Variants in CDH13 observed in about 807,000 individuals in gnomAD.
The protein encoded by CDH13 is cadherin-13.
CDH13 carries 24 observed loss-of-function variants against 63.8 expected under a neutral mutation model. That is an observed-to-expected ratio of 0.38 (90% CI 0.27 to 0.53). CDH13 has a LOEUF of 0.53. Ranked by LOEUF, CDH13 falls within the 20% of genes least tolerant of loss-of-function variation. The probability of loss-of-function intolerance (pLI) is 0.85; values close to 1 mark genes in which losing one functional copy is unlikely to be tolerated. For missense variants in CDH13, 1,049 were observed against 903.1 expected (o/e 1.16, Z -2.07); for synonymous variants, 503 against 355.3 (o/e 1.42, Z -4.67).
intron 3 of CDH13, among the ~76,000 whole-genome samples, chr16:83,096,815 C>A (rs919584990): frequency 6.6e-6 from 1 of 152,136 alleles, no homozygotes; most frequent in Non-Finnish European, 1.5e-5. Context: ...TCAGTTTGCA[C>A]TTAAAAATGA....
chr16:82,802,177 G>T (rs911204401), intron 1 of CDH13, among the ~76,000 whole-genome samples: 1 of 152,172 alleles, frequency 6.6e-6, no homozygotes, highest in Non-Finnish European at 1.5e-5. Context: ...CCTGCCAAGA[G>T]AGGAGGCCAA....
intron 1 of CDH13, among the ~76,000 whole-genome samples, chr16:82,718,205 A>G (rs1049588010): frequency 1.3e-5 from 2 of 152,212 alleles, no homozygotes; most frequent in Non-Finnish European, 2.9e-5. Context: ...GGACTCTGGG[A>G]GACAATGAAA....
chr16:83,067,541 G>A (rs1474916103), intron 3 of CDH13, among the ~76,000 whole-genome samples: 1 of 152,134 alleles, frequency 6.6e-6, no homozygotes, highest in Non-Finnish European at 1.5e-5. Flanking sequence ...CTGCAGTTTG[G>A]AAGTATTAAT....
At chr16:82,745,146 C>A (rs554851622) in intron 1 of CDH13, among the ~76,000 whole-genome samples, 1 of 152,104 alleles carries the variant, frequency 6.6e-6, no homozygotes, top group Non-Finnish European at 1.5e-5. Flanking sequence ...CTCTGGGAAA[C>A]AAAAGAATAC....
intron 1 of CDH13, among the ~76,000 whole-genome samples, chr16:82,714,188 C>T (rs1316051246): frequency 6.6e-6 from 1 of 152,154 alleles, no homozygotes; most frequent in Non-Finnish European, 1.5e-5. Flanking sequence ...AGCTTCTCTG[C>T]TCTTTGATGC....
At chr16:82,980,398 T>C (rs1338430867) in intron 2 of CDH13, among the ~76,000 whole-genome samples, 1 of 152,208 alleles carries the variant, frequency 6.6e-6, no homozygotes, top group Admixed American at 6.5e-5. Context: ...AGGAGCTGGG[T>C]AAACAGAAGC....
chr16:82,731,311 G>A (rs1012733178), intron 1 of CDH13, among the ~76,000 whole-genome samples: 4 of 152,314 alleles, frequency 2.6e-5, no homozygotes, highest in African/African-American at 7.2e-5. Flanking sequence ...ATAAATAAAT[G>A]AGTATGGCTG....
chr16:83,587,714 C>T (rs564335140), intron 7 of CDH13, among the ~76,000 whole-genome samples: 8 of 152,194 alleles, frequency 5.3e-5, no homozygotes, highest in African/African-American at 1.9e-4. Flanking sequence ...TCTTAACATA[C>T]GGAGCCACCA....
rs762892965 is a variant in CDH13, at chr16:83,748,135, T to G, written c.1566T>G (p.Gly522=). ...IRYSVYKDPA[G]WLNINPINGT... ...ATTCTGTTTACAAGGACCCAGCAGGTTGGCTGAATATTAACCCCATCAATG... is the reference window on the plus strand; with the variant it reads ...ATTCTGTTTACAAGGACCCAGCAGGGTGGCTGAATATTAACCCCATCAATG... The change falls in exon 11 of 14, where the codon GGT becomes GGG. Residue 522 remains glycine, a synonymous_variant. Coordinates refer to ENST00000567109, the MANE Select transcript of CDH13 (RefSeq NM_001257.5). 1.2e-6 allele frequency: 2 copies of G among 1,613,922 alleles called. No homozygotes were observed. The highest frequency in any genetic ancestry group is 1.7e-6 in the Non-Finnish European group (2 of 1,179,872).
intron 1 of CDH13, among the ~76,000 whole-genome samples, chr16:82,790,116 C>T (rs906095384): frequency 1.3e-5 from 2 of 152,032 alleles, no homozygotes; most frequent in South Asian, 2.1e-4. Flanking sequence ...CACCCCCCCT[C>T]GCAACACACA....
In CDH13 at chr16:82,709,299, T is replaced by G. The variant is rs1177291324; in HGVS notation, c.45+82162T>G. Among the ~76,000 whole-genome samples the G allele has an allele frequency of 2.6e-5, 4 of 152,322 alleles. 1 individual carries two copies. The highest frequency in any genetic ancestry group is 4.2e-4 in the South Asian group (2 of 4,814). ...AAGAAAAAGAAAAAAATTCTGAACTTGCAATTTTTTTCTGTTTTCTGTTTC... is the reference window on the plus strand; with the variant it reads ...AAGAAAAAGAAAAAAATTCTGAACTGGCAATTTTTTTCTGTTTTCTGTTTC... On this transcript the variant is annotated intron_variant, in intron 1 of 13. Coordinates refer to ENST00000567109, the MANE Select transcript of CDH13 (RefSeq NM_001257.5).
intron 2 of CDH13, among the ~76,000 whole-genome samples, chr16:82,936,196 C>T (rs1052653635): frequency 1.3e-5 from 2 of 152,132 alleles, no homozygotes; most frequent in African/African-American, 2.4e-5. Context: ...TGCAAGTCTC[C>T]AGCTTGCTTG....
rs940442826 is a variant in CDH13 at position 83,237,827 on chromosome 16, G to A, written c.636+20330G>A. On this transcript the variant is annotated intron_variant, in intron 5 of 13. Transcript: ENST00000567109. ...TGAGGTATAGCATATGAAGTACGTG[G>A]AACTGGGCAAATAATAAATACTTGA... 2.2e-4 allele frequency among the ~76,000 whole-genome samples: 33 copies of A among 152,210 alleles called. 1 individual carries two copies. Among genetic ancestry groups the A allele is most frequent in the African/African-American group, 7.2e-4 (30 of 41,460 alleles).
intron 1 of CDH13, among the ~76,000 whole-genome samples, chr16:82,834,653 C>T (rs746891922): frequency 6.6e-6 from 1 of 152,168 alleles, no homozygotes; most frequent in Non-Finnish European, 1.5e-5. Context: ...TCACAGTGGT[C>T]AGCCCCCTTG....
rs1403358929 is a variant in CDH13, at chr16:83,401,275, G to T, written c.781+56269G>T. ...AATCGCTTGAACCCAGGAGGCAGAGGTTGCAGTAAGCCGAGATCACGCCAT... is the reference window on the plus strand; with the variant it reads ...AATCGCTTGAACCCAGGAGGCAGAGTTTGCAGTAAGCCGAGATCACGCCAT... On this transcript the variant is annotated intron_variant, in intron 6 of 13. Transcript: ENST00000567109. 2.6e-5 allele frequency among the ~76,000 whole-genome samples: 4 copies of T among 151,696 alleles called. No individual in the cohort carries two copies. In the East Asian group the frequency reaches 5.8e-4, roughly 22 times the overall value.
At chr16:83,606,008 C>T (rs1908296039) in intron 8 of CDH13, among the ~76,000 whole-genome samples, 2 of 152,190 alleles carry the variant, frequency 1.3e-5, no homozygotes, top group Admixed American at 1.3e-4. Context: ...CTAATGAGGA[C>T]TGGCTCAGAT....
chr16:83,693,335 C>G (rs1339528002), intron 10 of CDH13, among the ~76,000 whole-genome samples: 1 of 152,182 alleles, frequency 6.6e-6, no homozygotes, highest in Non-Finnish European at 1.5e-5. Context: ...GTGCACGGTA[C>G]ATAGCATTAA....
At chr16:82,986,068 T>G (rs1019080347) in intron 2 of CDH13, among the ~76,000 whole-genome samples, 1 of 152,212 alleles carries the variant, frequency 6.6e-6, no homozygotes, top group Admixed American at 6.5e-5. Flanking sequence ...TCTCACGTAC[T>G]TCTATATAGT....
chr16:83,501,465 C>A (rs578004246), intron 7 of CDH13, among the ~76,000 whole-genome samples: 1 of 152,340 alleles, frequency 6.6e-6, no homozygotes, highest in South Asian at 2.1e-4. Context: ...AGAGATTCTC[C>A]ATTCTTATTT....
Sources: allele counts gnomAD v4.1 joint callset (sites outside exome capture counted in the v4.1 genomes callset), GRCh38; gene constraint gnomAD v4.1.1; transcripts MANE v1.5; gene names NCBI Gene and HGNC (gene_info 2026-07-23, HGNC 2026-07-21).